CDC73: variants seen among roughly 807,000 people sequenced by gnomAD.
CDC73 encodes parafibromin.
In CDC73, 21 loss-of-function variants were observed where a neutral mutation model predicts 83.7. That is an observed-to-expected ratio of 0.25 (90% confidence interval 0.18 to 0.36). The LOEUF is 0.36. CDC73 is among the 10% of genes least tolerant of loss of function. The pLI, the probability that CDC73 is intolerant of heterozygous loss-of-function variation, is 1.00. For missense variants in CDC73, 342 were observed against 653.3 expected (o/e 0.52, Z 5.19); for synonymous variants, 224 against 212.9 (o/e 1.05, Z -0.45).
rs1572196250 is a variant in CDC73 at position 193,203,650 on chromosome 1, G to C, written c.973-145G>C. 14 of 678,596 alleles carry C rather than the reference G, an allele frequency of 2.1e-5. 1 individual carries two copies. In the Admixed American group the frequency reaches 2.5e-4, roughly 12 times the overall value. The allele number at this position is 678,596 out of a possible 1,614,324, so 42.0% of individuals were successfully genotyped here. On this transcript the variant is annotated intron_variant, in intron 10 of 16. Coordinates refer to ENST00000367435, the MANE Select transcript of CDC73 (RefSeq NM_024529.5). ...ATTTTTATTTTTTTCTTAAACTGTA[G>C]GTCATAACATGTTCAGTGGAGTAAC...
intron 15 of CDC73, chr1:193,236,964 G>C (rs1572218104): frequency 7.3e-6 from 1 of 137,350 alleles, no homozygotes; most frequent in African/African-American, 2.7e-5. Context: ...TTTTTTTTTA[G>C]ACGGAGTCTG....
intron 10 of CDC73, among the ~76,000 whole-genome samples, chr1:193,153,397 T>A (rs1676154944): frequency 6.6e-6 from 1 of 152,188 alleles, no homozygotes; most frequent in South Asian, 2.1e-4. Context: ...ATTATACTTT[T>A]AAAATACTAT....
At chr1:193,243,094 C>T (rs1231455563) in intron 15 of CDC73, among the ~76,000 whole-genome samples, 1 of 151,768 alleles carries the variant, frequency 6.6e-6, no homozygotes, top group Non-Finnish European at 1.5e-5. Context: ...TACAGGTGCA[C>T]GCCACCATGC....
At position 193,181,369 on chromosome 1, in the gene CDC73, C is replaced by T. The variant is rs745513357; in HGVS notation, c.973-22426C>T. The T allele has an allele frequency of 9.3e-6, 15 of 1,613,836 alleles. No individual in the cohort carries two copies. The highest frequency in any genetic ancestry group is 5.5e-5 in the South Asian group (5 of 91,078). On this transcript the variant is annotated intron_variant, in intron 10 of 16. Coordinates refer to ENST00000367435, the MANE Select transcript of CDC73 (RefSeq NM_024529.5). ...CTCACTTTTTGTTGACCGAAATCCT[C>T]GGAAAGTGTATGTCACAGGGTTTTC...
chr1:193,227,663 T>A (rs1405916469), intron 13 of CDC73, among the ~76,000 whole-genome samples: 1 of 152,184 alleles, frequency 6.6e-6, no homozygotes, highest in Non-Finnish European at 1.5e-5. Context: ...ATTAAATAAA[T>A]GCCTAAATAT....
intron 13 of CDC73, among the ~76,000 whole-genome samples, chr1:193,220,639 T>C (rs1295102667): frequency 2.0e-5 from 3 of 152,218 alleles, no homozygotes; most frequent in Non-Finnish European, 4.4e-5. Flanking sequence ...CATACAAGTA[T>C]ATTCATACCT....
At chr1:193,162,617 C>T (rs35852195) in intron 10 of CDC73, among the ~76,000 whole-genome samples, 1 of 151,984 alleles carries the variant, frequency 6.6e-6, no homozygotes, top group Non-Finnish European at 1.5e-5. Flanking sequence ...AATCTGCCCA[C>T]CTCAGGCTTC....
chr1:193,203,227 TTTG>T (rs1303015619), intron 10 of CDC73, among the ~76,000 whole-genome samples: 1 of 152,092 alleles, frequency 6.6e-6, no homozygotes, highest in Non-Finnish European at 1.5e-5. Context: ...ATTATTGAGA[TTTG>T]TTGTTTAGTT....
In CDC73 at chr1:193,180,271, C is replaced by T. The variant is rs761752719; in HGVS notation, c.973-23524C>T. 10 of 1,527,930 alleles carry T rather than the reference C, an allele frequency of 6.5e-6. 1 individual carries two copies. In the South Asian group the frequency reaches 1.3e-4, roughly 20 times the overall value. The allele number at this position is 1,527,930 out of a possible 1,614,324, so 94.6% of individuals were successfully genotyped here. A position where few individuals can be genotyped will look rare whatever the true frequency, so the allele number is the denominator to read the frequency against. On this transcript the variant is annotated intron_variant, in intron 10 of 16. Coordinates refer to ENST00000367435, the MANE Select transcript of CDC73 (RefSeq NM_024529.5). The stretch of plus-strand genomic sequence containing the variant: ...CTTTTAGCAATATTTACAAATTGCA[C>T]ATTTGAAAAAAAATTGTCTTTTCTA...
At chr1:193,243,096 C>T (rs1677890243) in intron 15 of CDC73, among the ~76,000 whole-genome samples, 2 of 151,994 alleles carry the variant, frequency 1.3e-5, no homozygotes, top group Admixed American at 1.3e-4. Context: ...CAGGTGCACG[C>T]CACCATGCCT....
Position 193,132,798 on chromosome 1 carries a change from A to G in CDC73, c.307+2555A>G, listed in dbSNP as rs60405854. Among the ~76,000 whole-genome samples, 23 of 152,102 alleles carry G rather than the reference A, an allele frequency of 1.5e-4. No homozygotes were observed. In the East Asian group the frequency reaches 4.2e-3, roughly 28 times the overall value. On this transcript the variant is annotated intron_variant, in intron 3 of 16. Coordinates refer to ENST00000367435, the MANE Select transcript of CDC73 (RefSeq NM_024529.5). ...TAAGCATCGCAGGTGAGCCTGATAA[A>G]TAGGCTAGTTTTGGGGAAGCACTTT...
At chr1:193,174,480 A>T (rs189544067) in intron 10 of CDC73, among the ~76,000 whole-genome samples, 2 of 152,176 alleles carry the variant, frequency 1.3e-5, no homozygotes, top group Non-Finnish European at 2.9e-5. Context: ...TTTCAAATGA[A>T]TCTGAAGCCT....
At chr1:193,228,289 T>C (rs1039240486) in intron 13 of CDC73, among the ~76,000 whole-genome samples, 19 of 152,266 alleles carry the variant, frequency 1.2e-4, no homozygotes, top group African/African-American at 4.3e-4. Context: ...TTTCATCAGT[T>C]CTGTGAGATA....
In CDC73 at chr1:193,142,073, A is replaced by G. The variant is rs1060503807; in HGVS notation, c.729+7A>G. On this transcript the variant is annotated splice_region_variant and intron_variant, in intron 7 of 16. Coordinates refer to ENST00000367435, the MANE Select transcript of CDC73 (RefSeq NM_024529.5). ...CTTACAAAGCACAGGAAAGGTAATT[A>G]AAATATTTTACTCATTCATTGGAGT... The G allele has an allele frequency of 1.4e-5, 22 of 1,599,760 alleles. No individual in the cohort carries two copies. Among genetic ancestry groups the G allele is most frequent in the Non-Finnish European group, 1.9e-5 (22 of 1,167,214 alleles).
At chr1:193,123,670 A>ATTT (rs200816140) in intron 1 of CDC73, among the ~76,000 whole-genome samples, 2 of 147,628 alleles carry the variant, frequency 1.4e-5, no homozygotes, top group African/African-American at 5.0e-5. Flanking sequence ...TTTTTAGTGA[A>ATTT]TTTTTTTTTT....
At chr1:193,190,224 T>C (rs1159322890) in intron 10 of CDC73, among the ~76,000 whole-genome samples, 1 of 152,236 alleles carries the variant, frequency 6.6e-6, no homozygotes, top group East Asian at 1.9e-4. Context: ...CTTGACACAA[T>C]TATTTAGAGA....
At chr1:193,234,220 C>CATAT (rs1284926600) in intron 14 of CDC73, among the ~76,000 whole-genome samples, 60 of 31,716 alleles carry the variant, frequency 1.9e-3, no homozygotes, top group Non-Finnish European at 7.8e-4. Context: ...CACACACACA[C>CATAT]ATATATATAT....
At position 193,144,278 on chromosome 1, in the gene CDC73, A is replaced by C. The variant is rs564206257; in HGVS notation, c.729+2212A>C. Among the ~76,000 whole-genome samples the C allele has an allele frequency of 2.3e-4, 35 of 152,198 alleles. No individual in the cohort carries two copies. The South Asian group carries it at 7.1e-3, about 31-fold the overall frequency. ...TACGATCTGAAGAGAAACATGTATA[A>C]ACTTATATAAATTAGTATATGTTCA... On this transcript the variant is annotated intron_variant, in intron 7 of 16. Coordinates refer to ENST00000367435, the MANE Select transcript of CDC73 (RefSeq NM_024529.5).
chr1:193,198,356 T>G (rs546514113), intron 10 of CDC73, among the ~76,000 whole-genome samples: 130 of 152,338 alleles, frequency 8.5e-4, no homozygotes, highest in African/African-American at 3.0e-3. Context: ...GGGCATGGTC[T>G]TTACAAATGA....
Sources: gnomAD v4.1 joint callset for allele counts (sites outside exome capture counted in the v4.1 genomes callset) on GRCh38, gnomAD v4.1.1 for gene constraint, MANE v1.5 for transcripts, NCBI Gene and HGNC (gene_info 2026-07-23, HGNC 2026-07-21) for gene names.